The following ROBO1 variants were observed in gnomAD, a reference collection of about 807,000 sequenced individuals.
The protein encoded by ROBO1 is roundabout homolog 1.
A neutral mutation model predicts 195.9 loss-of-function variants in ROBO1; 149 were observed. That is an observed-to-expected ratio of 0.76 (90% CI 0.67 to 0.87). The LOEUF (loss-of-function observed/expected upper bound fraction) is 0.87, where lower values mean the gene tolerates loss of function less well. Among genes scored for constraint, ROBO1 ranks in the 40% least tolerant of loss-of-function variants. ROBO1 has a pLI of 0.00. For synonymous variants in ROBO1, 816 were observed against 733.2 expected (o/e 1.11, Z -1.82); for missense variants, 1,933 against 2,068.3 (o/e 0.93, Z 1.27).
rs1358955266 is a variant in ROBO1, at chr3:79,564,918, C to T, written c.88+24906G>A. The stretch of plus-strand genomic sequence containing the variant: ...TATGAAATACACTTCATTTGATTAC[C>T]CAGTATATGCTCACTTCAAGTATTT... On this transcript the variant is annotated intron_variant, in intron 2 of 30. Coordinates refer to ENST00000464233, the MANE Select transcript of ROBO1 (RefSeq NM_002941.4). Among the ~76,000 whole-genome samples, 2 of 151,844 alleles carry T rather than the reference C, an allele frequency of 1.3e-5. 1 individual carries two copies. The highest frequency in any genetic ancestry group is 2.9e-5 in the Non-Finnish European group (2 of 67,934).
At chr3:78,865,548 T>A (rs1057200493) in intron 4 of ROBO1, among the ~76,000 whole-genome samples, 1 of 150,634 alleles carries the variant, frequency 6.6e-6, no homozygotes, top group South Asian at 2.1e-4. Flanking sequence ...CTTGGCTCAC[T>A]GCAAGCTCCG....
chr3:79,278,377 AAAACAAACAAACAAAC>A (rs113781391), intron 2 of ROBO1, among the ~76,000 whole-genome samples: 4 of 150,872 alleles, frequency 2.7e-5, no homozygotes, highest in Non-Finnish European at 5.9e-5. Flanking sequence ...AGCAAAAACA[AAAACAAACAAACAAAC>A]AAACAAACAA....
At chr3:79,483,072 A>T (rs1332490061) in intron 2 of ROBO1, among the ~76,000 whole-genome samples, 1 of 152,192 alleles carries the variant, frequency 6.6e-6, no homozygotes, top group African/African-American at 2.4e-5. Flanking sequence ...CTGTCCACTG[A>T]CCACAGTTGT....
chr3:79,381,121 G>A (rs897046715), intron 2 of ROBO1, among the ~76,000 whole-genome samples: 2 of 152,214 alleles, frequency 1.3e-5, no homozygotes, highest in African/African-American at 2.4e-5. Flanking sequence ...CACGTTGGGA[G>A]GCTGAGGCGG....
intron 1 of ROBO1, among the ~76,000 whole-genome samples, chr3:79,762,411 C>T (rs545456231): frequency 2.6e-5 from 4 of 152,008 alleles, no homozygotes; most frequent in Admixed American, 6.6e-5. Context: ...CAGAACATAG[C>T]GCAGTCTCAT....
At chr3:78,744,487 C>T (rs553042301) in intron 5 of ROBO1, among the ~76,000 whole-genome samples, 8 of 152,196 alleles carry the variant, frequency 5.3e-5, no homozygotes, top group East Asian at 3.8e-4. Flanking sequence ...TAAGAGCCTA[C>T]GCAGTTGGAC....
chr3:79,632,031 G>A (rs539164125), intron 1 of ROBO1, among the ~76,000 whole-genome samples: 1 of 152,170 alleles, frequency 6.6e-6, no homozygotes, highest in East Asian at 1.9e-4. Flanking sequence ...GCTGTTGGTA[G>A]AAATGTAAAT....
intron 4 of ROBO1, among the ~76,000 whole-genome samples, chr3:78,757,433 G>GTA (rs371649679): frequency 1.3e-5 from 2 of 149,764 alleles, no homozygotes; most frequent in African/African-American, 4.9e-5. Context: ...ATGCGCACAT[G>GTA]CACACACACA....
At chr3:79,503,112 C>T (rs1940196582) in intron 2 of ROBO1, among the ~76,000 whole-genome samples, 1 of 152,200 alleles carries the variant, frequency 6.6e-6, no homozygotes, top group Admixed American at 6.5e-5. Context: ...CTGCTGCTCA[C>T]TCTTTGGGTC....
chr3:78,653,850 G>C (rs75010422), intron 18 of ROBO1, among the ~76,000 whole-genome samples: 3 of 152,130 alleles, frequency 2.0e-5, no homozygotes, highest in African/African-American at 7.2e-5. Context: ...GTGTTATGCT[G>C]TCTGCCAGGA....
rs533250532 is a variant in ROBO1, at chr3:79,222,827, C to T, written c.89-97288G>A. On this transcript the variant is annotated intron_variant, in intron 2 of 30. Coordinates refer to ENST00000464233, the MANE Select transcript of ROBO1 (RefSeq NM_002941.4). ...TAATTTAATATATTCGGGATAATTACTTATTTTGTCCAACACAAAACAAAC... is the reference window on the plus strand; with the variant it reads ...TAATTTAATATATTCGGGATAATTATTTATTTTGTCCAACACAAAACAAAC... Among the ~76,000 whole-genome samples, 20 of 152,046 alleles carry T rather than the reference C, an allele frequency of 1.3e-4. 1 individual carries two copies. The highest frequency in any genetic ancestry group is 6.6e-5 in the Admixed American group (1 of 15,234).
intron 2 of ROBO1, among the ~76,000 whole-genome samples, chr3:79,528,840 G>A (rs568081617): frequency 8.5e-5 from 13 of 152,128 alleles, no homozygotes; most frequent in African/African-American, 2.9e-4. Flanking sequence ...AGAAATTTGG[G>A]GAAATATCTC....
chr3:79,582,290 T>C (rs1421646017), intron 2 of ROBO1, among the ~76,000 whole-genome samples: 1 of 151,842 alleles, frequency 6.6e-6, no homozygotes, highest in Non-Finnish European at 1.5e-5. Context: ...TCTTCTTATA[T>C]ATTCATTCAT....
intron 3 of ROBO1, among the ~76,000 whole-genome samples, chr3:78,949,606 G>A (rs2040658104): frequency 1.3e-5 from 2 of 152,008 alleles, no homozygotes; most frequent in East Asian, 3.9e-4. Context: ...CATGGGCAAG[G>A]ACTTCATGTC....
At chr3:78,824,530 AGCT>A (rs2031394345) in intron 4 of ROBO1, among the ~76,000 whole-genome samples, 1 of 152,114 alleles carries the variant, frequency 6.6e-6, no homozygotes, top group Non-Finnish European at 1.5e-5. Context: ...CACTATTCGG[AGCT>A]GCAGTTTATA....
chr3:79,116,526 CTT>C (rs550347378), intron 3 of ROBO1, among the ~76,000 whole-genome samples: 6 of 117,908 alleles, frequency 5.1e-5, no homozygotes, highest in African/African-American at 3.1e-5. Flanking sequence ...TCTCTTTCTT[CTT>C]TTTTTTTTTT....
In ROBO1 at chr3:79,061,906, A is replaced by T. The variant is rs558837976; in HGVS notation, c.172+63550T>A. Among the ~76,000 whole-genome samples, 196 of 152,306 alleles carry T rather than the reference A, an allele frequency of 1.3e-3. 1 individual carries two copies. Among genetic ancestry groups the T allele is most frequent in the African/African-American group, 4.6e-3 (190 of 41,576 alleles). On this transcript the variant is annotated intron_variant, in intron 3 of 30. Transcript: ENST00000464233. The stretch of plus-strand genomic sequence containing the variant: ...TAAAACCATAAAAACCCTAGAAGAA[A>T]ACTTAGGCAATACCATTCAGGACAT...
intron 2 of ROBO1, among the ~76,000 whole-genome samples, chr3:79,532,399 A>C (rs1559969761): frequency 6.6e-6 from 1 of 152,230 alleles, no homozygotes; most frequent in Non-Finnish European, 1.5e-5. Context: ...ATATTTTTCT[A>C]AACATAGAAG....
In ROBO1 at chr3:79,505,833, G is replaced by A. The variant is rs935266986; in HGVS notation, c.88+83991C>T. 6.6e-5 allele frequency among the ~76,000 whole-genome samples: 10 copies of A among 152,278 alleles called. 3 individuals are homozygous for A. The highest frequency in any genetic ancestry group is 6.5e-4 in the Admixed American group (10 of 15,286). ...GAAGTTATTACAGTTGTAATTTTAAGATTTAGCTTCAGGGAAGAATTAATA... is the reference window on the plus strand; with the variant it reads ...GAAGTTATTACAGTTGTAATTTTAAAATTTAGCTTCAGGGAAGAATTAATA... On this transcript the variant is annotated intron_variant, in intron 2 of 30. Coordinates refer to ENST00000464233, the MANE Select transcript of ROBO1 (RefSeq NM_002941.4).
Sources: allele counts gnomAD v4.1 joint callset (sites outside exome capture counted in the v4.1 genomes callset), GRCh38; gene constraint gnomAD v4.1.1; transcripts MANE v1.5; gene names NCBI Gene and HGNC (gene_info 2026-07-23, HGNC 2026-07-21).